The following RNF212 variants were observed in gnomAD, a reference collection of about 807,000 sequenced individuals.
RNF212 encodes probable E3 SUMO-protein ligase RNF212.
Under a neutral mutation model 34.7 loss-of-function variants are expected in RNF212, and 33 were observed. The ratio of observed to expected loss-of-function variants is 0.95; its 90% confidence interval spans 0.72 to 1.27. The LOEUF is 1.27. RNF212 is among the 50% of genes most tolerant of loss of function. The pLI is 0.00. For synonymous variants in RNF212, 140 were observed against 136.1 expected, an observed-to-expected ratio of 1.03 and a Z score of -0.20; for missense variants, 377 against 362.2, an observed-to-expected ratio of 1.04 and a Z score of -0.33.
chr4:1,093,334 AT>A, intron 3 of RNF212: 1 of 1,041,572 alleles, frequency 9.6e-7, no homozygotes, highest in Non-Finnish European at 1.3e-6. Flanking sequence ...TTATTAATTC[AT>A]TTAAAAATAA....
Position 1,077,902 on chromosome 4 carries a change from G to A in RNF212, c.510+1741C>T, listed in dbSNP as rs114160701. Among the ~76,000 whole-genome samples the A allele has an allele frequency of 4.6e-3, 693 of 152,306 alleles. 2 individuals are homozygous for A. The highest frequency in any genetic ancestry group is 0.016 in the African/African-American group (663 of 41,568). ...TCCCGTGTTGCCGGTGGGTGTGGGCGTGGCCATGAGGATGGCAGAGGTGAG... is the reference window on the plus strand; with the variant it reads ...TCCCGTGTTGCCGGTGGGTGTGGGCATGGCCATGAGGATGGCAGAGGTGAG... On this transcript the variant is annotated intron_variant, in intron 8 of 9. Coordinates refer to ENST00000433731, the MANE Select transcript of RNF212 (RefSeq NM_001131034.4).
chr4:1,081,983 C>T (rs1453605), intron 5 of RNF212: 171,786 of 285,168 alleles, frequency 0.6, 54,905 homozygotes, highest in Non-Finnish European at 0.68. Flanking sequence ...AGCCATGGTG[C>T]CTCATGTCCA....
chr4:1,113,572 CA>C (rs1726175643), upstream of RNF212: 2 of 831,148 alleles, frequency 2.4e-6, no homozygotes, highest in African/African-American at 1.8e-5. Flanking sequence ...TGCGCCTGCG[CA>C]AAGTCGACGG....
intron 8 of RNF212, among the ~76,000 whole-genome samples, chr4:1,077,064 C>T (rs11938124): frequency 0.79 from 120,548 of 152,134 alleles, 48,274 homozygotes; most frequent in African/African-American, 0.88. Flanking sequence ...CAGGTCTCTA[C>T]TAAAAATACA....
At chr4:1,102,497 C>T (rs1017503007) in intron 2 of RNF212, among the ~76,000 whole-genome samples, 3 of 151,962 alleles carry the variant, frequency 2.0e-5, no homozygotes, top group African/African-American at 7.3e-5. Flanking sequence ...CAAGAGTCCA[C>T]AGTACTAATA....
chr4:1,085,766 T>C (rs1721063539), intron 5 of RNF212, 130 bp downstream of exon 5: 6 of 714,374 alleles, frequency 8.4e-6, no homozygotes, highest in Non-Finnish European at 1.5e-5. Flanking sequence ...TGAAAGTTTC[T>C]GGTAAATGAA....
intron 2 of RNF212, among the ~76,000 whole-genome samples, chr4:1,102,565 CA>C (rs1325443532): frequency 7.5e-6 from 1 of 134,104 alleles, no homozygotes; most frequent in Non-Finnish European, 1.6e-5. Flanking sequence ...ACCAAAAATA[CA>C]AAAATACAAA....
intron 3 of RNF212, among the ~76,000 whole-genome samples, chr4:1,059,186 G>A (rs1179049202): frequency 3.3e-5 from 5 of 152,196 alleles, no homozygotes; most frequent in Admixed American, 6.5e-5. Context: ...AGGAGGCCCC[G>A]AGCACAAGGC....
chr4:1,061,631 C>T (rs1330537424), intron 3 of RNF212, among the ~76,000 whole-genome samples: 1 of 152,196 alleles, frequency 6.6e-6, no homozygotes, highest in Non-Finnish European at 1.5e-5. Flanking sequence ...TGTTGGAGCA[C>T]AACCACAGAC....
chr4:1,105,289 C>T (rs916070684), intron 2 of RNF212, among the ~76,000 whole-genome samples: 18 of 52,036 alleles, frequency 3.5e-4, no homozygotes, highest in Admixed American at 2.2e-3. Flanking sequence ...CTCTGCTCCG[C>T]GCTCACCGGA....
chr4:1,073,835 T>G, intron 8 of RNF212, 173 bp from the exon 9 acceptor site: 1 of 628,334 alleles, frequency 1.6e-6, no homozygotes, highest in Admixed American at 2.3e-5. Context: ...CGACTCTGCC[T>G]GCTGGTGGTA....
At chr4:1,076,981 G>A (rs987863840) in intron 8 of RNF212, among the ~76,000 whole-genome samples, 19 of 152,302 alleles carry the variant, frequency 1.2e-4, no homozygotes, top group African/African-American at 3.9e-4. Flanking sequence ...TGTAATCCCA[G>A]CACTTTGGGA....
chr4:1,091,393 A>G (rs565707286), intron 3 of RNF212, among the ~76,000 whole-genome samples: 3 of 152,290 alleles, frequency 2.0e-5, no homozygotes, highest in Non-Finnish European at 4.4e-5. Context: ...GAGGAAAGAG[A>G]GTCCTGTGAT....
intron 2 of RNF212, among the ~76,000 whole-genome samples, chr4:1,098,738 AG>A (rs1455040510): frequency 6.6e-6 from 1 of 152,200 alleles, no homozygotes; most frequent in African/African-American, 2.4e-5. Flanking sequence ...AAACAGAAGC[AG>A]AAACAGCACC....
chr4:1,061,368 A>G (rs1717738043), intron 3 of RNF212, among the ~76,000 whole-genome samples: 1 of 152,158 alleles, frequency 6.6e-6, no homozygotes, highest in African/African-American at 2.4e-5. Context: ...GGACCTGGAG[A>G]GGCCCACAGT....
chr4:1,070,351 G>A (rs1164052232), downstream of RNF212, among the ~76,000 whole-genome samples: 1 of 149,638 alleles, frequency 6.7e-6, no homozygotes, highest in Non-Finnish European at 1.5e-5. Context: ...GTTACGGGTG[G>A]TTTTGTAGGG....
At chr4:1,083,620 AGAGT>A (rs1347992523) in intron 5 of RNF212, among the ~76,000 whole-genome samples, 1 of 149,604 alleles carries the variant, frequency 6.7e-6, no homozygotes, top group African/African-American at 2.5e-5. Flanking sequence ...CCTGGGTGAC[AGAGT>A]GAGACTCTGT....
chr4:1,083,346 C>G (rs1035220717), intron 5 of RNF212, among the ~76,000 whole-genome samples: 1 of 152,100 alleles, frequency 6.6e-6, no homozygotes, highest in Non-Finnish European at 1.5e-5. Context: ...ATGGACAGAA[C>G]AAAAACTCAA....
At chr4:1,106,893 T>C (rs1023470488) in intron 2 of RNF212, among the ~76,000 whole-genome samples, 9 of 152,380 alleles carry the variant, frequency 5.9e-5, no homozygotes, top group African/African-American at 2.2e-4. Context: ...AATATTCTTA[T>C]AAGTGTGGAG....
Sources: allele counts gnomAD v4.1 joint callset (sites outside exome capture counted in the v4.1 genomes callset), GRCh38; gene constraint gnomAD v4.1.1; transcripts MANE v1.5; gene names NCBI Gene and HGNC (gene_info 2026-07-23, HGNC 2026-07-21).